DHRS2: variants seen among roughly 807,000 people sequenced by gnomAD.
DHRS2 encodes the protein dehydrogenase/reductase SDR family member 2, mitochondrial.
In DHRS2, 29 loss-of-function variants were observed where a neutral mutation model predicts 26.3. The observed-to-expected ratio is 1.10, with a 90% CI of 0.82 to 1.50. The LOEUF (loss-of-function observed/expected upper bound fraction) is 1.50, where lower values mean the gene tolerates loss of function less well. Ranked by LOEUF, DHRS2 falls within the 40% of genes most tolerant of loss-of-function variation. DHRS2 has a pLI of 0.00. For synonymous variants in DHRS2, 164 were observed against 151.3 expected (o/e 1.08, Z -0.62); for missense variants, 439 against 367.1 (o/e 1.20, Z -1.60).
chr14:23,643,744 G>T, intron 5 of DHRS2: 1 of 314,520 alleles, frequency 3.2e-6, no homozygotes, highest in Admixed American at 4.1e-5. Flanking sequence ...TGTCACTTCT[G>T]GTCTCCCTTA....
intron 1 of DHRS2, among the ~76,000 whole-genome samples, chr14:23,630,635 C>G (rs1460953659): frequency 1.3e-5 from 2 of 152,208 alleles, no homozygotes; most frequent in African/African-American, 4.8e-5. Context: ...AGGACCATGA[C>G]CCATGACACA....
chr14:23,645,498 G>T lies in DHRS2; in HGVS notation c.*245G>T. ...CTTGGTGTGGGTCTGGGGAGCTGAA[G>T]GATTTTATGGAGCTGGTGCTTTGGA... On this transcript the variant is annotated 3_prime_UTR_variant, in exon 9 of 9. Coordinates refer to ENST00000250383, the MANE Select transcript of DHRS2 (RefSeq NM_005794.4). 1 of 658,902 alleles carries T rather than the reference G, an allele frequency of 1.5e-6. No homozygotes were observed. The highest frequency in any genetic ancestry group is 2.9e-5 in the East Asian group (1 of 34,978). 40.8% of individuals were successfully genotyped at this position (658,902 alleles called of 1,614,324 possible). A position where few individuals can be genotyped will look rare whatever the true frequency, so the allele number is the denominator to read the frequency against.
At chr14:23,641,991 T>C in intron 4 of DHRS2, 6 of 1,124,758 alleles carry the variant, frequency 5.3e-6, no homozygotes, top group Non-Finnish European at 5.5e-6. Flanking sequence ...GCTCCGCCTC[T>C]GCATCTTTCC....
chr14:23,638,503 G>C (rs1239276373), intron 1 of DHRS2: 1 of 191,592 alleles, frequency 5.2e-6, no homozygotes, highest in Non-Finnish European at 1.1e-5. Context: ...CGTTTACTAA[G>C]GTGTCCCCGC....
chr14:23,643,671 C>T (rs1233365068), intron 5 of DHRS2: 2 of 279,636 alleles, frequency 7.2e-6, no homozygotes, highest in Non-Finnish European at 1.4e-5. Context: ...TGACTGTACC[C>T]CTCACAGACA....
rs1172113211 is a variant in DHRS2, at chr14:23,636,734, C to G, written c.-77C>G. On this transcript the variant is annotated 5_prime_UTR_variant, in exon 1 of 9. Transcript: ENST00000250383. ...GTGAGACTATTGCCAAGTGGTGAGA[C>G]CATCACCAAGCGGTGAGACTATCAC... is the stretch of plus-strand genomic sequence containing the variant. 1 of 152,204 alleles carries G rather than the reference C, an allele frequency of 6.6e-6. No homozygotes were observed. The allele number at this position is 152,204 out of a possible 1,614,324, so 9.4% of individuals were successfully genotyped here.
rs753159819 is a variant in DHRS2 at position 23,645,273 on chromosome 14, G to A, written c.*20G>A. Reference sequence around the variant, plus strand: ...CTCTGAGAGGAGTGGGGGCGGCTGCGTAGCTGTGGTCCCAGGCCCAGGAGC... The same window carrying A: ...CTCTGAGAGGAGTGGGGGCGGCTGCATAGCTGTGGTCCCAGGCCCAGGAGC... On this transcript the variant is annotated 3_prime_UTR_variant, in exon 9 of 9. Transcript: ENST00000250383. 1.7e-5 allele frequency: 27 copies of A among 1,613,790 alleles called. No homozygotes were observed. The highest frequency in any genetic ancestry group is 1.6e-4 in the Middle Eastern group (1 of 6,080).
rs754845312 is a variant in DHRS2, at chr14:23,639,821, T to G, written c.346T>G (p.Phe116Val). Residue 116 changes from phenylalanine to valine, a missense_variant, in exon 4 of 9, where the codon TTC becomes GTC. By Grantham distance (50) the Phe-to-Val change is conservative. Transcript: ENST00000250383. Reference sequence around the variant, plus strand: ...CCTGGAGCACTGTGGGGGCGTCGACTTCCTGGTGTGCAGCGCAGGGGTCAA... The same window carrying G: ...CCTGGAGCACTGTGGGGGCGTCGACGTCCTGGTGTGCAGCGCAGGGGTCAA... ...KALEHCGGVD[F>V]LVCSAGVNPL... is the part of the protein sequence containing the mutation. 8 of 1,610,160 alleles carry G rather than the reference T, an allele frequency of 5.0e-6. No individual in the cohort carries two copies. The highest frequency in any genetic ancestry group is 3.4e-6 in the Non-Finnish European group (4 of 1,177,942).
chr14:23,638,688 G>A (rs1890468843), intron 1 of DHRS2, 139 bp from the exon 2 acceptor site: 9 of 828,422 alleles, frequency 1.1e-5, no homozygotes, highest in Non-Finnish European at 1.7e-5. Flanking sequence ...AGGTTCACAT[G>A]TTTGAAATTT....
rs1455624703 is a variant in DHRS2 at position 23,636,530 on chromosome 14, CACCGAGAGGAATGA to C, written c.-278_-265del. ...CCTGGGGCCAGCAAGACCACGAATG[CACCGAGAGGAATGA>C]ACAACTCTGGACACACCATCTTTAA... On this transcript the variant is annotated 5_prime_UTR_variant, in exon 1 of 9. It removes an upstream start codon present in the reference 5' UTR. Coordinates refer to ENST00000250383, the MANE Select transcript of DHRS2 (RefSeq NM_005794.4). 9.8e-5 allele frequency: 15 copies of C among 152,292 alleles called. No homozygotes were observed. The highest frequency in any genetic ancestry group is 3.6e-4 in the African/African-American group (15 of 41,450). 9.4% of individuals were successfully genotyped at this position (152,292 alleles called of 1,614,324 possible). A position where few individuals can be genotyped will look rare whatever the true frequency, so the allele number is the denominator to read the frequency against.
At chr14:23,637,963 C>T (rs1033389318) in intron 1 of DHRS2, 1 of 152,262 alleles carries the variant, frequency 6.6e-6, no homozygotes, top group Admixed American at 6.5e-5. Flanking sequence ...CAGCAGCAAC[C>T]TGCTTGAGTC....
At chr14:23,642,185 A>G in intron 4 of DHRS2, 1 of 1,017,630 alleles carries the variant, frequency 9.8e-7, no homozygotes, top group Non-Finnish European at 1.2e-6. Context: ...GCTGCAGGAA[A>G]GCTCAGAGCC....
chr14:23,645,481 G>A lies in DHRS2; in HGVS notation c.*228G>A, dbSNP rs570951630. On this transcript the variant is annotated 3_prime_UTR_variant, in exon 9 of 9. Transcript: ENST00000250383. ...AATTAACATGTGGGGTTCTTGGTGTGGGTCTGGGGAGCTGAAGGATTTTAT... is the reference window on the plus strand; with the variant it reads ...AATTAACATGTGGGGTTCTTGGTGTAGGTCTGGGGAGCTGAAGGATTTTAT... The A allele has an allele frequency of 4.8e-5, 40 of 831,764 alleles. No homozygotes were observed. In the African/African-American group the frequency reaches 5.7e-4, roughly 12 times the overall value. The allele number at this position is 831,764 out of a possible 1,614,324, so 51.5% of individuals were successfully genotyped here. A position where few individuals can be genotyped will look rare whatever the true frequency, so the allele number is the denominator to read the frequency against.
chr14:23,644,965 G>C, intron 8 of DHRS2, 83 bp downstream of exon 8: 1 of 1,567,318 alleles, frequency 6.4e-7, no homozygotes. Flanking sequence ...ACCCCTCCCT[G>C]TCATCTGGCC....
Position 23,639,168 on chromosome 14 carries a change from T to C in DHRS2, c.141-11T>C, listed in dbSNP as rs373176822. The C allele has an allele frequency of 2.0e-5, 32 of 1,611,894 alleles. No homozygotes were observed. In the African/African-American group the frequency reaches 4.0e-4, roughly 20 times the overall value. On this transcript the variant is annotated splice_polypyrimidine_tract_variant and intron_variant, in intron 2 of 8. Transcript: ENST00000250383. ...CTGAGGCTGACTTTTGCCCTCCATC[T>C]CTGCATTCAGGATCGGCTTTGCCAT...
chr14:23,637,877 C>T (rs955888164), intron 1 of DHRS2, among the ~76,000 whole-genome samples: 1 of 152,152 alleles, frequency 6.6e-6, no homozygotes, highest in Non-Finnish European at 1.5e-5. Context: ...GACCAATCAG[C>T]TCTCTGTAAA....
intron 5 of DHRS2, chr14:23,643,508 T>C: frequency 7.2e-6 from 3 of 414,924 alleles, no homozygotes; most frequent in Non-Finnish European, 1.3e-5. Context: ...GGGCTGGTCA[T>C]TGTCACCTTA....
At chr14:23,644,937 A>T (rs954530297) in intron 8 of DHRS2, 55 bp downstream of exon 8, 3 of 1,595,982 alleles carry the variant, frequency 1.9e-6, no homozygotes, top group Non-Finnish European at 2.6e-6. Context: ...GGGGCAGTTG[A>T]GTCTATTGCA....
upstream of DHRS2, among the ~76,000 whole-genome samples, chr14:23,632,478 A>T (rs12147168): frequency 0.014 from 2,107 of 152,336 alleles, 28 homozygotes; most frequent in Non-Finnish European, 0.022. Context: ...TGGAAATACA[A>T]TATCAGAAGA....
Sources: gnomAD v4.1 joint callset for allele counts (sites outside exome capture counted in the v4.1 genomes callset) on GRCh38, gnomAD v4.1.1 for gene constraint, MANE v1.5 for transcripts, NCBI Gene and HGNC (gene_info 2026-07-23, HGNC 2026-07-21) for gene names.